OPCML: variants seen among roughly 807,000 people sequenced by gnomAD.
OPCML encodes opioid binding protein/cell adhesion molecule like.
Under a neutral mutation model 37.8 loss-of-function variants are expected in OPCML, and 13 were observed. The observed-to-expected ratio is 0.34, with a 90% confidence interval of 0.22 to 0.55. The LOEUF is 0.55. Among genes scored for constraint, OPCML ranks in the 20% least tolerant of loss-of-function variants. OPCML has a pLI of 0.91. For missense variants in OPCML, 341 were observed against 435.6 expected (o/e 0.78, Z 1.93); for synonymous variants, 176 against 168.8 (o/e 1.04, Z -0.33).
chr11:132,777,431 T>C (rs1172996295), intron 2 of OPCML, among the ~76,000 whole-genome samples: 1 of 152,180 alleles, frequency 6.6e-6, no homozygotes, highest in Non-Finnish European at 1.5e-5. Context: ...GCAGGTCCTT[T>C]ATTGGTAAGG....
intron 4 of OPCML, among the ~76,000 whole-genome samples, chr11:132,489,651 T>C (rs1230178953): frequency 6.6e-6 from 1 of 151,964 alleles, no homozygotes; most frequent in African/African-American, 2.4e-5. Context: ...ACCACCGTTC[T>C]GTCTGTGGCC....
chr11:132,585,395 T>G (rs2096470464), intron 3 of OPCML, among the ~76,000 whole-genome samples: 1 of 145,786 alleles, frequency 6.9e-6, no homozygotes, highest in African/African-American at 2.7e-5. Flanking sequence ...GTTTTCAGAA[T>G]AAAAAAAGAA....
chr11:133,475,374 C>G (rs574327818), intron 1 of OPCML, among the ~76,000 whole-genome samples: 1 of 152,212 alleles, frequency 6.6e-6, no homozygotes, highest in South Asian at 2.1e-4. Context: ...CTCCTCCTCT[C>G]TTTTCACCTT....
chr11:133,158,806 G>A (rs1268995923), intron 1 of OPCML, among the ~76,000 whole-genome samples: 1 of 151,536 alleles, frequency 6.6e-6, no homozygotes, highest in Non-Finnish European at 1.5e-5. Flanking sequence ...TCATTAGAAA[G>A]GGGAAGGAAA....
At chr11:132,942,533 C>T (rs1055301977) in intron 2 of OPCML, among the ~76,000 whole-genome samples, 2 of 152,122 alleles carry the variant, frequency 1.3e-5, no homozygotes, top group African/African-American at 2.4e-5. Flanking sequence ...GTCCTGAGGA[C>T]GATCCTGCCT....
chr11:133,273,786 G>T (rs1941916400), intron 1 of OPCML, among the ~76,000 whole-genome samples: 1 of 152,116 alleles, frequency 6.6e-6, no homozygotes, highest in East Asian at 1.9e-4. Flanking sequence ...GCTTTAAGAG[G>T]GAATTGTCGC....
chr11:132,652,363 C>CAT (rs1452025070), intron 3 of OPCML, among the ~76,000 whole-genome samples: 5 of 150,354 alleles, frequency 3.3e-5, no homozygotes, highest in African/African-American at 1.2e-4. Context: ...CACACACACA[C>CAT]ACACACACAC....
intron 3 of OPCML, among the ~76,000 whole-genome samples, chr11:132,563,245 T>G (rs1396218637): frequency 2.0e-5 from 3 of 152,134 alleles, no homozygotes; most frequent in Non-Finnish European, 4.4e-5. Flanking sequence ...GCCAGGGAGT[T>G]TGACCTCAGA....
intron 2 of OPCML, among the ~76,000 whole-genome samples, chr11:132,833,348 T>C (rs534803908): frequency 9.3e-4 from 142 of 152,244 alleles, no homozygotes; most frequent in Non-Finnish European, 1.8e-3. Flanking sequence ...GTCAGGATGA[T>C]CACTATCACT....
At chr11:132,561,374 C>T (rs1189420668) in intron 3 of OPCML, among the ~76,000 whole-genome samples, 1 of 152,214 alleles carries the variant, frequency 6.6e-6, no homozygotes, top group Non-Finnish European at 1.5e-5. Flanking sequence ...CCTCCATAGG[C>T]TCTTTAGGAT....
intron 2 of OPCML, among the ~76,000 whole-genome samples, chr11:132,721,233 G>T (rs1944662128): frequency 6.6e-6 from 1 of 152,192 alleles, no homozygotes; most frequent in African/African-American, 2.4e-5. Flanking sequence ...TTAGTGTGAA[G>T]TGACGCACAC....
At chr11:132,703,771 A>G (rs997737913) in intron 2 of OPCML, among the ~76,000 whole-genome samples, 2 of 152,144 alleles carry the variant, frequency 1.3e-5, no homozygotes, top group Admixed American at 6.5e-5. Flanking sequence ...TAGGCCTGAA[A>G]TCTGGGTCCA....
At chr11:133,153,853 C>A (rs1165740728) in intron 1 of OPCML, among the ~76,000 whole-genome samples, 1 of 152,130 alleles carries the variant, frequency 6.6e-6, no homozygotes, top group Non-Finnish European at 1.5e-5. Context: ...CACGTGGGGG[C>A]TCCATCTGGA....
rs139140061 is a variant in OPCML, at chr11:133,090,392, T to G, written c.62-147382A>C. Among the ~76,000 whole-genome samples, 283 of 152,266 alleles carry G rather than the reference T, an allele frequency of 1.9e-3. 1 individual carries two copies. The highest frequency in any genetic ancestry group is 3.1e-3 in the Non-Finnish European group (211 of 68,030). On this transcript the variant is annotated intron_variant, in intron 1 of 7. Transcript: ENST00000524381. ...ATGAACAGAGCATTGAGACTGATTA[T>G]GATGAGGGCACAGAAGAAAAGAGCT... is the stretch of plus-strand genomic sequence containing the variant.
At chr11:132,725,345 G>A (rs1165291420) in intron 2 of OPCML, among the ~76,000 whole-genome samples, 2 of 152,192 alleles carry the variant, frequency 1.3e-5, no homozygotes, top group Non-Finnish European at 1.5e-5. Context: ...GCCATGGCTA[G>A]AGTGGCTGGG....
chr11:132,544,946 A>T (rs1208323269), intron 3 of OPCML, among the ~76,000 whole-genome samples: 2 of 152,194 alleles, frequency 1.3e-5, no homozygotes, highest in Non-Finnish European at 2.9e-5. Context: ...TTTTATAGGG[A>T]TTCTCCAAAT....
At chr11:132,665,830 G>T (rs1007055386) in intron 2 of OPCML, among the ~76,000 whole-genome samples, 3 of 152,138 alleles carry the variant, frequency 2.0e-5, no homozygotes, top group Non-Finnish European at 2.9e-5. Context: ...CATCTGAAAA[G>T]GCAATACCTG....
chr11:132,914,580 C>A (rs1944544149), intron 2 of OPCML, among the ~76,000 whole-genome samples: 1 of 152,188 alleles, frequency 6.6e-6, no homozygotes, highest in Non-Finnish European at 1.5e-5. Flanking sequence ...ACCAGAGTCC[C>A]AGCAGAGAGT....
At chr11:133,065,704 G>T (rs1264632530) in intron 1 of OPCML, 1 of 152,416 alleles carries the variant, frequency 6.6e-6, no homozygotes, top group Non-Finnish European at 1.5e-5. Flanking sequence ...TGTGGACAGG[G>T]TGCTTCACTT....
Sources: gnomAD v4.1 joint callset for allele counts (sites outside exome capture counted in the v4.1 genomes callset) on GRCh38, gnomAD v4.1.1 for gene constraint, MANE v1.5 for transcripts, NCBI Gene and HGNC (gene_info 2026-07-23, HGNC 2026-07-21) for gene names.